Variants in NDFIP2 observed in about 807,000 individuals in gnomAD.
NDFIP2 encodes the protein Nedd4 family interacting protein 2.
NDFIP2 carries 19 observed loss-of-function variants against 36.0 expected under a neutral mutation model. The observed-to-expected ratio is 0.53, with a 90% confidence interval of 0.37 to 0.77. The LOEUF (loss-of-function observed/expected upper bound fraction) is 0.77. Ranked by LOEUF, NDFIP2 falls within the 30% of genes least tolerant of loss-of-function variation. The pLI is 0.00. For missense variants in NDFIP2, 446 were observed against 435.8 expected (o/e 1.02, Z -0.21); for synonymous variants, 181 against 167.7 (o/e 1.08, Z -0.61).
rs552796417 is a variant in NDFIP2, at chr13:79,504,771, T to C, written c.322-16039T>C. ...TTCTTGCCTTAAATAGTTATAACTT[T>C]AGTGGTTGTCAAATGGTGATTTCCT... On this transcript the variant is annotated intron_variant, in intron 1 of 7. Coordinates refer to ENST00000218652, the MANE Select transcript of NDFIP2 (RefSeq NM_019080.3). 7.9e-5 allele frequency among the ~76,000 whole-genome samples: 12 copies of C among 152,318 alleles called. 2 individuals carry two copies. The highest frequency in any genetic ancestry group is 2.4e-4 in the African/African-American group (10 of 41,570).
intron 1 of NDFIP2, among the ~76,000 whole-genome samples, chr13:79,512,426 A>G (rs1438694034): frequency 1.3e-5 from 2 of 152,108 alleles, no homozygotes; most frequent in Non-Finnish European, 2.9e-5. Flanking sequence ...ACAGAGACCA[A>G]TAGTATGTGG....
chr13:79,550,931 T>A, intron 6 of NDFIP2, 86 bp from the exon 7 acceptor site: 1 of 707,950 alleles, frequency 1.4e-6, no homozygotes, highest in Non-Finnish European at 2.3e-6. Flanking sequence ...GCCAAGAGGA[T>A]CTTGTTTATA....
At chr13:79,544,874 A>C (rs1327149329) in intron 5 of NDFIP2, among the ~76,000 whole-genome samples, 1 of 152,118 alleles carries the variant, frequency 6.6e-6, no homozygotes, top group Non-Finnish European at 1.5e-5. Flanking sequence ...TAATCAGTTA[A>C]TTCTTGGTTG....
chr13:79,501,490 C>T (rs1333589673), intron 1 of NDFIP2, among the ~76,000 whole-genome samples: 3 of 151,952 alleles, frequency 2.0e-5, no homozygotes, highest in African/African-American at 2.4e-5. Flanking sequence ...CTGTTAAAAA[C>T]GTGATTTGGT....
intron 3 of NDFIP2, among the ~76,000 whole-genome samples, chr13:79,538,952 G>A (rs1351885608): frequency 6.6e-6 from 1 of 152,124 alleles, no homozygotes; most frequent in African/African-American, 2.4e-5. Flanking sequence ...CCAGGCCTTG[G>A]GTAGCTCTGC....
intron 1 of NDFIP2, among the ~76,000 whole-genome samples, chr13:79,500,327 T>G (rs866520618): frequency 1.3e-5 from 2 of 151,998 alleles, no homozygotes; most frequent in Middle Eastern, 3.4e-3. Context: ...GTGATGACTT[T>G]TTAGAAAAAA....
intron 1 of NDFIP2, among the ~76,000 whole-genome samples, chr13:79,512,537 C>A (rs2140756622): frequency 6.6e-6 from 1 of 152,016 alleles, no homozygotes; most frequent in South Asian, 2.1e-4. Context: ...GGTTCTAAGG[C>A]AACTCTTAAG....
intron 1 of NDFIP2, among the ~76,000 whole-genome samples, chr13:79,485,539 C>G (rs1292086691): frequency 6.6e-6 from 1 of 152,188 alleles, no homozygotes; most frequent in East Asian, 1.9e-4. Flanking sequence ...CTAGTTGTCA[C>G]CTTTTCTTGC....
At chr13:79,507,073 G>A (rs184903428) in intron 1 of NDFIP2, among the ~76,000 whole-genome samples, 148 of 152,122 alleles carry the variant, frequency 9.7e-4, no homozygotes, top group African/African-American at 3.3e-3. Context: ...CATACGTTTT[G>A]TCATCTCTTT....
rs1238076749 is a variant in NDFIP2 at position 79,481,236 on chromosome 13, G to A, written c.33G>A (p.Ala11=). Residue 11 remains alanine, a synonymous_variant, in exon 1 of 8, where the codon GCG becomes GCA. Coordinates refer to ENST00000218652, the MANE Select transcript of NDFIP2 (RefSeq NM_019080.3). The part of the protein sequence containing the change: MARRRSQRVC[A]SGPSMLNSAR... ...GCCGGCGGAGCCAGCGAGTCTGCGC[G>A]AGCGGTCCGAGCATGCTCAATAGCG... The A allele has an allele frequency of 5.9e-6, 9 of 1,523,498 alleles. No individual in the cohort carries two copies. The highest frequency in any genetic ancestry group is 7.9e-6 in the Non-Finnish European group (9 of 1,140,816). The allele number at this position is 1,523,498 out of a possible 1,614,324, so 94.4% of individuals were successfully genotyped here. A position where few individuals can be genotyped will look rare whatever the true frequency, so the allele number is the denominator to read the frequency against.
intron 2 of NDFIP2, among the ~76,000 whole-genome samples, chr13:79,523,746 A>G (rs1392241543): frequency 6.6e-6 from 1 of 152,200 alleles, no homozygotes; most frequent in Non-Finnish European, 1.5e-5. Context: ...GAGGTGAATG[A>G]CATAGGCATT....
intron 5 of NDFIP2, among the ~76,000 whole-genome samples, chr13:79,546,839 C>T (rs756292273): frequency 6.6e-6 from 1 of 152,090 alleles, no homozygotes; most frequent in Non-Finnish European, 1.5e-5. Context: ...TTTGTTCTTA[C>T]AGCCTTTAAG....
At chr13:79,540,093 T>C (rs952149715) in intron 4 of NDFIP2, among the ~76,000 whole-genome samples, 2 of 152,234 alleles carry the variant, frequency 1.3e-5, no homozygotes, top group Non-Finnish European at 2.9e-5. Context: ...CATTCAGCTC[T>C]GTAGGAGCGT....
chr13:79,482,745 G>T (rs1447135908), intron 1 of NDFIP2, among the ~76,000 whole-genome samples: 1 of 152,142 alleles, frequency 6.6e-6, no homozygotes. Flanking sequence ...AGCTCATGAG[G>T]CTTCCATTTT....
intron 2 of NDFIP2, among the ~76,000 whole-genome samples, chr13:79,523,125 T>C (rs1467918528): frequency 6.6e-6 from 1 of 152,216 alleles, no homozygotes; most frequent in African/African-American, 2.4e-5. Context: ...CCAAGGGAGA[T>C]GTGTTCCCAG....
chr13:79,539,902 C>T, intron 4 of NDFIP2, 127 bp downstream of exon 4: 1 of 708,474 alleles, frequency 1.4e-6, no homozygotes, highest in East Asian at 2.8e-5. Context: ...GTAAATTGTT[C>T]CTGATATTGG....
At chr13:79,548,862 A>T (rs1875790807) in intron 6 of NDFIP2, among the ~76,000 whole-genome samples, 2 of 152,044 alleles carry the variant, frequency 1.3e-5, no homozygotes, top group Non-Finnish European at 1.5e-5. Flanking sequence ...TAATGATCAC[A>T]GTGCTTCTGT....
chr13:79,538,607 G>C (rs1388310549), intron 3 of NDFIP2, among the ~76,000 whole-genome samples: 1 of 152,114 alleles, frequency 6.6e-6, no homozygotes, highest in Non-Finnish European at 1.5e-5. Flanking sequence ...ATTTTTTTGA[G>C]ACGGTCTCAC....
chr13:79,523,528 G>GT lies in NDFIP2; in HGVS notation c.487+2560dup, dbSNP rs780909391. On this transcript the variant is annotated intron_variant, in intron 2 of 7. Coordinates refer to ENST00000218652, the MANE Select transcript of NDFIP2 (RefSeq NM_019080.3). ...AGCCACTGCGCCCAGCCCATACTGTGTTTTTTTAATATATACATACTTATG... is the reference window on the plus strand; with the variant it reads ...AGCCACTGCGCCCAGCCCATACTGTGTTTTTTTTAATATATACATACTTATG... 1.4e-4 allele frequency among the ~76,000 whole-genome samples: 22 copies of GT among 152,174 alleles called. 1 individual carries two copies. In the South Asian group the frequency reaches 1.7e-3, roughly 11 times the overall value.
Sources: allele counts gnomAD v4.1 joint callset (sites outside exome capture counted in the v4.1 genomes callset), GRCh38; gene constraint gnomAD v4.1.1; transcripts MANE v1.5; gene names NCBI Gene and HGNC (gene_info 2026-07-23, HGNC 2026-07-21).